Variants in PJA2 observed in about 807,000 individuals in gnomAD.
The protein encoded by PJA2 is praja ring finger ubiquitin ligase 2, also known as E3 ubiquitin-protein ligase Praja-2.
In PJA2, 25 loss-of-function variants were observed where a neutral mutation model predicts 69.3. That is an observed-to-expected ratio of 0.36 (90% confidence interval 0.26 to 0.50). PJA2 has a LOEUF of 0.50. PJA2 is among the 20% of genes least tolerant of loss of function. PJA2 has a pLI of 0.96. For missense variants in PJA2, 809 were observed against 830.2 expected (o/e 0.97, Z 0.31); for synonymous variants, 308 against 277.8 (o/e 1.11, Z -1.08).
chr5:109,408,670 T>C (rs1221816375), intron 1 of PJA2, among the ~76,000 whole-genome samples: 2 of 152,260 alleles, frequency 1.3e-5, no homozygotes, highest in Admixed American at 6.5e-5. Context: ...AAATTTTACC[T>C]AACAGTCCGT....
At position 109,354,450 on chromosome 5, in the gene PJA2, A is replaced by G. The variant is rs182908876; in HGVS notation, c.1764+1465T>C. ...TGATATCTAGAGATGTCTATAGATT[A>G]GATATCTATGATATCTAGAGATATC... is the stretch of plus-strand genomic sequence containing the variant. On this transcript the variant is annotated intron_variant, in intron 7 of 9. Coordinates refer to ENST00000361189, the MANE Select transcript of PJA2 (RefSeq NM_014819.5). Among the ~76,000 whole-genome samples, 154 of 119,794 alleles carry G rather than the reference A, an allele frequency of 1.3e-3. 15 individuals are homozygous for G. The highest frequency in any genetic ancestry group is 5.3e-3 in the African/African-American group (149 of 28,080). The allele number at this position is 119,794 out of a possible 152,430, so 78.6% of individuals were successfully genotyped here.
At chr5:109,405,621 A>G (rs991580967) in intron 1 of PJA2, among the ~76,000 whole-genome samples, 1 of 152,200 alleles carries the variant, frequency 6.6e-6, no homozygotes, top group African/African-American at 2.4e-5. Context: ...ACTTTTGACA[A>G]AGTTAATTCA....
chr5:109,386,351 G>A (rs770528396), intron 1 of PJA2, among the ~76,000 whole-genome samples: 12 of 152,210 alleles, frequency 7.9e-5, no homozygotes, highest in Middle Eastern at 6.8e-3. Context: ...GGATAATGGC[G>A]AATGGCGGCA....
At chr5:109,392,625 C>T (rs1220466712) in intron 1 of PJA2, among the ~76,000 whole-genome samples, 1 of 150,748 alleles carries the variant, frequency 6.6e-6, no homozygotes, top group East Asian at 1.9e-4. Flanking sequence ...CTGCAGTGTT[C>T]AAGCCTATAT....
Position 109,387,567 on chromosome 5 carries a change from T to C in PJA2, c.-87-4047A>G, listed in dbSNP as rs116581677. ...TGTGACAATTAGTCACTTCAAACAA[T>C]TCGGGGTTTTTACATACTTCTTACT... On this transcript the variant is annotated intron_variant, in intron 1 of 9. Transcript: ENST00000361189. Among the ~76,000 whole-genome samples, 833 of 152,308 alleles carry C rather than the reference T, an allele frequency of 5.5e-3. 3 individuals carry two copies. The highest frequency in any genetic ancestry group is 0.01 in the Middle Eastern group (3 of 294).
At chr5:109,356,840 AATT>A (rs1762420274) in intron 6 of PJA2, among the ~76,000 whole-genome samples, 1 of 152,054 alleles carries the variant, frequency 6.6e-6, no homozygotes, top group Non-Finnish European at 1.5e-5. Context: ...GCTCATTTTT[AATT>A]ATAATTTTCT....
At chr5:109,380,639 C>G in intron 3 of PJA2, among the ~76,000 whole-genome samples, 1 of 151,696 alleles carries the variant, frequency 6.6e-6, no homozygotes, top group East Asian at 1.9e-4. Context: ...AAAACCCCAT[C>G]TCTACCAAAA....
intron 5 of PJA2, among the ~76,000 whole-genome samples, chr5:109,364,430 C>T (rs997620745): frequency 2.6e-5 from 4 of 151,126 alleles, no homozygotes; most frequent in African/African-American, 7.3e-5. Context: ...GAGACCATCC[C>T]GGCTAAAACG....
At chr5:109,342,593 C>T (rs1465802079) in intron 9 of PJA2, among the ~76,000 whole-genome samples, 37 of 87,004 alleles carry the variant, frequency 4.3e-4, no homozygotes, top group East Asian at 7.6e-4. Context: ...GCCCGGCCGC[C>T]CCTACTGGGA....
intron 4 of PJA2, among the ~76,000 whole-genome samples, chr5:109,369,271 A>G (rs999524324): frequency 6.6e-6 from 1 of 152,216 alleles, no homozygotes; most frequent in Non-Finnish European, 1.5e-5. Flanking sequence ...TCGATGCCAC[A>G]TATGCTTTGT....
At chr5:109,368,330 T>C (rs1300101482) in intron 5 of PJA2, among the ~76,000 whole-genome samples, 11 of 152,198 alleles carry the variant, frequency 7.2e-5, no homozygotes, top group Non-Finnish European at 1.6e-4. Flanking sequence ...CTTTTCTTAT[T>C]AAAGCCAAGT....
intron 7 of PJA2, among the ~76,000 whole-genome samples, chr5:109,347,897 G>C (rs1046762978): frequency 2.6e-5 from 4 of 152,132 alleles, no homozygotes; most frequent in African/African-American, 4.8e-5. Context: ...TCAAATTACT[G>C]TATTTCTCTC....
chr5:109,381,124 AAAG>A (rs1281602086), intron 3 of PJA2, among the ~76,000 whole-genome samples: 30 of 152,084 alleles, frequency 2.0e-4, no homozygotes, highest in African/African-American at 5.1e-4. Flanking sequence ...AAAAAAAAAA[AAAG>A]AAGAAGAAGA....
rs1761918235 is a variant in PJA2 at position 109,335,207 on chromosome 5, T to C, written c.*2024A>G. Reference sequence around the variant, plus strand: ...TCCTAAAACCTCAATTTTCTTTTTCTTTTTTAAAATTTAAGCCAACTCTTA... The same window carrying C: ...TCCTAAAACCTCAATTTTCTTTTTCCTTTTTAAAATTTAAGCCAACTCTTA... On this transcript the variant is annotated 3_prime_UTR_variant, in exon 10 of 10. Transcript: ENST00000361189. The C allele has an allele frequency of 6.6e-6, 1 of 152,654 alleles. No homozygotes were observed. Among genetic ancestry groups the C allele is most frequent in the African/African-American group, 2.4e-5 (1 of 41,464 alleles). The allele number at this position is 152,654 out of a possible 1,614,324, so 9.5% of individuals were successfully genotyped here.
At chr5:109,389,629 C>G (rs1747237214) in intron 1 of PJA2, among the ~76,000 whole-genome samples, 2 of 151,568 alleles carry the variant, frequency 1.3e-5, no homozygotes, top group South Asian at 4.1e-4. Context: ...TACTTTTATA[C>G]TATTTCCTTC....
intron 9 of PJA2, among the ~76,000 whole-genome samples, chr5:109,343,687 GTAAAA>G (rs1439564306): frequency 1.3e-5 from 2 of 152,138 alleles, no homozygotes; most frequent in African/African-American, 2.4e-5. Flanking sequence ...GACAATGTTA[GTAAAA>G]TAAAATATTT....
At chr5:109,372,902 T>C (rs1434964991) in intron 4 of PJA2, among the ~76,000 whole-genome samples, 2 of 4,106 alleles carry the variant, frequency 4.9e-4, no homozygotes, top group Non-Finnish European at 1.3e-3. Flanking sequence ...CAACACTCCG[T>C]CTCAAAAAAA....
chr5:109,349,126 G>A (rs1004796200), intron 7 of PJA2, among the ~76,000 whole-genome samples: 2 of 152,118 alleles, frequency 1.3e-5, no homozygotes, highest in African/African-American at 4.8e-5. Flanking sequence ...TTTGTTGGGT[G>A]GAAATACAAT....
intron 1 of PJA2, among the ~76,000 whole-genome samples, chr5:109,392,981 A>T (rs1747317009): frequency 1.3e-5 from 2 of 152,208 alleles, no homozygotes; most frequent in Admixed American, 1.3e-4. Flanking sequence ...AAAATTTCCT[A>T]AATAAGGGGC....
Sources: allele counts gnomAD v4.1 joint callset (sites outside exome capture counted in the v4.1 genomes callset), GRCh38; gene constraint gnomAD v4.1.1; transcripts MANE v1.5; gene names NCBI Gene and HGNC (gene_info 2026-07-23, HGNC 2026-07-21).